CCDC172: variants seen among roughly 807,000 people sequenced by gnomAD.
The protein encoded by CCDC172 is coiled-coil domain-containing protein 172.
A neutral mutation model predicts 38.0 loss-of-function variants in CCDC172; 30 were observed. The observed-to-expected ratio is 0.79, with a 90% CI of 0.59 to 1.07. The LOEUF (loss-of-function observed/expected upper bound fraction) is 1.07. Ranked by LOEUF, CCDC172 falls within the 50% of genes least tolerant of loss-of-function variation. CCDC172 has a pLI of 0.00. For missense variants in CCDC172, 297 were observed against 290.1 expected (o/e 1.02, Z -0.17); for synonymous variants, 78 against 88.3 (o/e 0.88, Z 0.66).
At chr10:116,339,091 G>A (rs934755025) in intron 3 of CCDC172, among the ~76,000 whole-genome samples, 4 of 151,868 alleles carry the variant, frequency 2.6e-5, no homozygotes, top group Non-Finnish European at 5.9e-5. Flanking sequence ...GTGGATCTAG[G>A]ATTTGGTAAT....
chr10:116,356,166 T>C (rs959959725), intron 5 of CCDC172, among the ~76,000 whole-genome samples: 6 of 151,512 alleles, frequency 4.0e-5, no homozygotes, highest in Admixed American at 3.9e-4. Flanking sequence ...CCCGTCTCTA[T>C]TAAAAACACA....
chr10:116,357,608 AAT>A (rs1184520649), intron 6 of CCDC172, 127 bp downstream of exon 6: 10 of 910,596 alleles, frequency 1.1e-5, no homozygotes, highest in Non-Finnish European at 1.4e-5. Context: ...ATAAAAAAGA[AAT>A]AGATAAAACA....
chr10:116,325,114 A>C (rs1002044142), intron 2 of CCDC172, 24 bp downstream of exon 2: 1 of 1,610,586 alleles, frequency 6.2e-7, no homozygotes. Context: ...TGTCCTTTGC[A>C]TGGGGCCTTT....
intron 4 of CCDC172, among the ~76,000 whole-genome samples, chr10:116,341,615 C>CTTGT (rs540440276): frequency 6.6e-5 from 10 of 151,706 alleles, no homozygotes; most frequent in Non-Finnish European, 1.2e-4. Flanking sequence ...CTTGGCTATC[C>CTTGT]TTGTTTGTTT....
intron 5 of CCDC172, among the ~76,000 whole-genome samples, chr10:116,351,732 G>A (rs970341340): frequency 1.3e-5 from 2 of 152,166 alleles, no homozygotes; most frequent in South Asian, 2.1e-4. Context: ...ACAGGACCAC[G>A]ATCCCTGAGA....
chr10:116,332,946 C>A (rs987483446), intron 3 of CCDC172, among the ~76,000 whole-genome samples: 1 of 152,024 alleles, frequency 6.6e-6, no homozygotes, highest in Non-Finnish European at 1.5e-5. Context: ...TTATTTAATG[C>A]TCTCTGCAAA....
At chr10:116,357,247 C>G (rs565289619) in intron 5 of CCDC172, 133 bp from the exon 6 acceptor site, 1 of 571,578 alleles carries the variant, frequency 1.7e-6, no homozygotes, top group Non-Finnish European at 3.0e-6. Flanking sequence ...ACATGGATAT[C>G]TTTTCACTTA....
intron 5 of CCDC172, among the ~76,000 whole-genome samples, chr10:116,343,750 T>G (rs1431703888): frequency 6.6e-6 from 1 of 152,078 alleles, no homozygotes; most frequent in Non-Finnish European, 1.5e-5. Flanking sequence ...ACTACAAATT[T>G]CTTTGAGATA....
intron 3 of CCDC172, among the ~76,000 whole-genome samples, chr10:116,335,859 T>TA (rs1207142582): frequency 2.7e-4 from 41 of 152,258 alleles, no homozygotes; most frequent in African/African-American, 9.6e-4. Flanking sequence ...CTCTGTATAT[T>TA]TTCTTGGATT....
chr10:116,364,626 G>A (rs1039215693), intron 7 of CCDC172, among the ~76,000 whole-genome samples: 2 of 151,952 alleles, frequency 1.3e-5, no homozygotes, highest in African/African-American at 2.4e-5. Context: ...AGTATTAATT[G>A]GTATGCAATT....
intron 7 of CCDC172, among the ~76,000 whole-genome samples, chr10:116,374,505 G>A (rs1845222796): frequency 6.9e-6 from 1 of 144,726 alleles, no homozygotes; most frequent in Non-Finnish European, 1.5e-5. Flanking sequence ...TATATATATA[G>A]GAAAAATCAT....
intron 7 of CCDC172, among the ~76,000 whole-genome samples, chr10:116,376,057 C>G (rs1845240433): frequency 6.6e-6 from 1 of 152,164 alleles, no homozygotes. Flanking sequence ...TCATTCTGCT[C>G]TAAAGACACA....
chr10:116,348,327 C>T (rs954984174), intron 5 of CCDC172, among the ~76,000 whole-genome samples: 5 of 152,006 alleles, frequency 3.3e-5, no homozygotes, highest in African/African-American at 1.2e-4. Context: ...ATTCGTGCCA[C>T]CACATCTGTT....
At chr10:116,346,672 T>C (rs1844871700) in intron 5 of CCDC172, among the ~76,000 whole-genome samples, 1 of 151,594 alleles carries the variant, frequency 6.6e-6, no homozygotes, top group Non-Finnish European at 1.5e-5. Flanking sequence ...AAAAAGTCCC[T>C]GATATCACAG....
chr10:116,331,872 A>G (rs942084320), intron 3 of CCDC172, among the ~76,000 whole-genome samples: 2 of 152,056 alleles, frequency 1.3e-5, no homozygotes, highest in Non-Finnish European at 1.5e-5. Flanking sequence ...TGAGCTCAAG[A>G]TTTCTGCACT....
intron 3 of CCDC172, among the ~76,000 whole-genome samples, chr10:116,338,340 T>G (rs1844754976): frequency 6.6e-6 from 1 of 152,128 alleles, no homozygotes; most frequent in African/African-American, 2.4e-5. Context: ...CTGTAGTTAT[T>G]GACTCTCTGG....
At chr10:116,375,861 A>T (rs535348580) in intron 7 of CCDC172, among the ~76,000 whole-genome samples, 1 of 152,304 alleles carries the variant, frequency 6.6e-6, no homozygotes, top group East Asian at 1.9e-4. Flanking sequence ...GGTGATCATT[A>T]AAAAGTCAGG....
intron 3 of CCDC172, among the ~76,000 whole-genome samples, chr10:116,326,247 G>A (rs1047580553): frequency 3.3e-5 from 5 of 152,126 alleles, no homozygotes; most frequent in Admixed American, 3.3e-4. Context: ...AAAATAAAAG[G>A]TAGTTTTAGG....
intron 7 of CCDC172, among the ~76,000 whole-genome samples, chr10:116,370,535 A>G (rs962054432): frequency 6.6e-6 from 1 of 151,462 alleles, no homozygotes; most frequent in African/African-American, 2.4e-5. Flanking sequence ...TTTATACTTT[A>G]CTCTGTCTGT....
Sources: gnomAD v4.1 joint callset for allele counts (sites outside exome capture counted in the v4.1 genomes callset) on GRCh38, gnomAD v4.1.1 for gene constraint, MANE v1.5 for transcripts, NCBI Gene and HGNC (gene_info 2026-07-23, HGNC 2026-07-21) for gene names.